PCDHGA4: variants seen among roughly 807,000 people sequenced by gnomAD.
PCDHGA4 encodes the protein protocadherin gamma-A4.
Under a neutral mutation model 54.6 loss-of-function variants are expected in PCDHGA4, and 38 were observed. That is an observed-to-expected ratio of 0.70 (90% CI 0.54 to 0.91). The LOEUF (loss-of-function observed/expected upper bound fraction) is 0.91. Among genes scored for constraint, PCDHGA4 ranks in the 40% least tolerant of loss-of-function variants. The pLI, the probability that PCDHGA4 is intolerant of heterozygous loss-of-function variation, is 0.00. For missense variants in PCDHGA4, 1,298 were observed against 1,220.9 expected, an observed-to-expected ratio of 1.06 and a Z score of -0.94; for synonymous variants, 511 against 512.9, an observed-to-expected ratio of 1.00 and a Z score of 0.05.
chr5:141,426,369 A>G, intron 1 of PCDHGA4: 1 of 205,906 alleles, frequency 4.9e-6, no homozygotes, highest in Non-Finnish European at 1.0e-5. Context: ...TCTGCGGGGC[A>G]CCCTCGGAGC....
intron 1 of PCDHGA4, among the ~76,000 whole-genome samples, chr5:141,481,620 C>G (rs1449979532): frequency 6.6e-6 from 1 of 152,112 alleles, no homozygotes; most frequent in African/African-American, 2.4e-5. Context: ...GAGTTCAAGA[C>G]CGGCCTGGCC....
At chr5:141,502,534 C>T (rs565889110) in intron 2 of PCDHGA4, among the ~76,000 whole-genome samples, 10 of 152,074 alleles carry the variant, frequency 6.6e-5, no homozygotes, top group Non-Finnish European at 1.0e-4. Context: ...CGAGTTTGTT[C>T]GTGTGGTAAA....
chr5:141,371,781 G>A (rs1443074185), intron 1 of PCDHGA4: 1 of 1,613,878 alleles, frequency 6.2e-7, no homozygotes, highest in Non-Finnish European at 8.5e-7. Context: ...GCATGTAGCT[G>A]AGAACAATCC....
chr5:141,389,146 C>T (rs567517174), intron 1 of PCDHGA4: 17 of 1,613,996 alleles, frequency 1.1e-5, no homozygotes, highest in East Asian at 2.2e-5. Context: ...ATAACCGTTA[C>T]GGCAACAGAT....
rs746989617 is a variant in PCDHGA4 at position 141,422,853 on chromosome 5, C to G, written c.2514+65232C>G. On this transcript the variant is annotated intron_variant, in intron 1 of 3. Transcript: ENST00000571252. ...TAGCACGTGACAGCGGGGACCCGCC[C>G]CTCAGCAGCAACGTGTCGCTGAGCC... 16 of 1,614,146 alleles carry G rather than the reference C, an allele frequency of 9.9e-6. 1 individual carries two copies. In the South Asian group the frequency reaches 1.6e-4, roughly 17 times the overall value.
rs377138746 is a variant in PCDHGA4, at chr5:141,432,481, C to A, written c.2515-62326C>A. Reference sequence around the variant, plus strand: ...CCCTCCCCACGGACGGTTCCACTGGCGTGGAGCTGGCTCCCCGCTCCGCAG... The same window carrying A: ...CCCTCCCCACGGACGGTTCCACTGGAGTGGAGCTGGCTCCCCGCTCCGCAG... On this transcript the variant is annotated intron_variant, in intron 1 of 3. Transcript: ENST00000571252. This position sits in a 1 kb window ranked among gnomAD's most constrained non-coding sequence, Gnocchi z 6.0. 6.2e-7 allele frequency: 1 copy of A among 1,614,080 alleles called. No individual in the cohort carries two copies.
intron 1 of PCDHGA4, chr5:141,429,167 TATAC>T (rs1240034860): frequency 7.3e-6 from 1 of 136,106 alleles, no homozygotes; most frequent in African/African-American, 2.9e-5. Flanking sequence ...AGACATTGTT[TATAC>T]ACACACACAC....
intron 1 of PCDHGA4, among the ~76,000 whole-genome samples, chr5:141,457,440 A>G (rs188608086): frequency 3.9e-5 from 6 of 152,334 alleles, no homozygotes; most frequent in Non-Finnish European, 8.8e-5. Flanking sequence ...ACCAAGCTGC[A>G]GAAGATCACC....
intron 1 of PCDHGA4, among the ~76,000 whole-genome samples, chr5:141,466,748 G>A (rs562859284): frequency 6.6e-6 from 1 of 152,238 alleles, no homozygotes; most frequent in South Asian, 2.1e-4. Context: ...TACTCTGATA[G>A]GGGCTCTTTT....
chr5:141,361,757 C>T (rs1160428745), intron 1 of PCDHGA4: 2 of 1,613,096 alleles, frequency 1.2e-6, no homozygotes, highest in Non-Finnish European at 8.5e-7. Context: ...GGCTCGCCCG[C>T]GCTCAGCGCC....
intron 1 of PCDHGA4, chr5:141,383,043 C>G: frequency 9.3e-6 from 15 of 1,613,860 alleles, no homozygotes; most frequent in Non-Finnish European, 1.3e-5. Context: ...TGGGAGACAT[C>G]GCCAAGGACC....
chr5:141,385,411 G>A, intron 1 of PCDHGA4: 1 of 1,474,668 alleles, frequency 6.8e-7, no homozygotes, highest in East Asian at 2.4e-5. Context: ...TTTGAAAATA[G>A]GGATTTAAAA....
At chr5:141,375,777 C>T in intron 1 of PCDHGA4, 1 of 1,614,250 alleles carries the variant, frequency 6.2e-7, no homozygotes, top group African/African-American at 1.3e-5. Flanking sequence ...ATCCTGTACC[C>T]CGCCCTCCCC....
chr5:141,399,407 C>T (rs1168752842), intron 1 of PCDHGA4: 5 of 1,613,914 alleles, frequency 3.1e-6, no homozygotes, highest in Non-Finnish European at 4.2e-6. Context: ...GGCAAGCCGC[C>T]CCTCTCCTCC....
At position 141,511,397 on chromosome 5, in the gene PCDHGA4, C is replaced by A; in HGVS notation, c.*224C>A. ...AGCAGTTCCGCTGGGAACCCCCATC[C>A]AATCAACTGCTGTACCCATGGGGGT... On this transcript the variant is annotated 3_prime_UTR_variant, in exon 4 of 4. Coordinates refer to ENST00000571252, the MANE Select transcript of PCDHGA4 (RefSeq NM_018917.4). 1.0e-6 allele frequency: 1 copy of A among 1,002,376 alleles called. No individual in the cohort carries two copies. The highest frequency in any genetic ancestry group is 1.4e-6 in the Non-Finnish European group (1 of 705,546). 62.1% of individuals were successfully genotyped at this position (1,002,376 alleles called of 1,614,324 possible). A position where few individuals can be genotyped will look rare whatever the true frequency, so the allele number is the denominator to read the frequency against.
At position 141,381,826 on chromosome 5, in the gene PCDHGA4, CTTTTTTTT is replaced by C. The variant is rs770630741; in HGVS notation, c.2514+24220_2514+24227del. Among the ~76,000 whole-genome samples the C allele has an allele frequency of 3.5e-4, 26 of 74,290 alleles. 1 individual carries two copies. Among genetic ancestry groups the C allele is most frequent in the Admixed American group, 9.7e-4 (5 of 5,178 alleles). 48.7% of individuals were successfully genotyped at this position (74,290 alleles called of 152,430 possible). On this transcript the variant is annotated intron_variant, in intron 1 of 3. Transcript: ENST00000571252. Reference sequence around the variant, plus strand: ...TTTCTTTCTTTCTTTCTTTCTTCTTCTTTTTTTTTTTTTTTTTTTTTTGGCAGAGTTTT... The same window carrying C: ...TTTCTTTCTTTCTTTCTTTCTTCTTCTTTTTTTTTTTTTTGGCAGAGTTTT...
intron 1 of PCDHGA4, among the ~76,000 whole-genome samples, chr5:141,447,752 G>T (rs2154561873): frequency 6.6e-6 from 1 of 152,280 alleles, no homozygotes; most frequent in Admixed American, 6.5e-5. Context: ...TCTTGCATGT[G>T]ACTGTATATA....
intron 1 of PCDHGA4, chr5:141,479,209 A>T (rs1314929824): frequency 6.6e-6 from 1 of 152,432 alleles, no homozygotes; most frequent in African/African-American, 2.4e-5. Context: ...AAAAGTATTT[A>T]AAAAATTAAA....
intron 1 of PCDHGA4, chr5:141,415,268 T>C: frequency 6.2e-7 from 1 of 1,614,174 alleles, no homozygotes; most frequent in Non-Finnish European, 8.5e-7. Flanking sequence ...CTGTACCTGG[T>C]GGTAGCGGTG....
Sources: allele counts gnomAD v4.1 joint callset (sites outside exome capture counted in the v4.1 genomes callset), GRCh38; gene constraint gnomAD v4.1.1; non-coding constraint Gnocchi (gnomAD v3.1); transcripts MANE v1.5; gene names NCBI Gene and HGNC (gene_info 2026-07-23, HGNC 2026-07-21).